The following MTERF4 variants were observed in gnomAD, a reference collection of about 807,000 sequenced individuals.
The protein encoded by MTERF4 is mitochondrial transcription termination factor 4.
In MTERF4, 17 loss-of-function variants were observed where a neutral mutation model predicts 22.5. That is an observed-to-expected ratio of 0.75 (90% confidence interval 0.52 to 1.13). The LOEUF is 1.13. Ranked by LOEUF, MTERF4 falls within the 50% of genes most tolerant of loss-of-function variation. The pLI, the probability that MTERF4 is intolerant of heterozygous loss-of-function variation, is 0.00. For synonymous variants in MTERF4, 165 were observed against 175.3 expected (o/e 0.94, Z 0.47); for missense variants, 420 against 466.8 (o/e 0.90, Z 0.92).
At chr2:241,042,704 AAT>A in the MTERF4 span, among the ~76,000 whole-genome samples, 2 of 152,236 alleles carry the variant, frequency 1.3e-5, no homozygotes, top group African/African-American at 2.4e-5. Flanking sequence ...AGAAATGAAA[AAT>A]ATATCTGAGT....
chr2:241,056,580 A>ATTTTTTTTTTTTTTTT, the MTERF4 span, among the ~76,000 whole-genome samples: 10 of 111,222 alleles, frequency 9.0e-5, no homozygotes, highest in South Asian at 3.1e-4. Flanking sequence ...AATAAGTGAA[A>ATTTTTTTTTTTTTTTT]TTTTTTTTTT....
chr2:241,049,777 G>C, the MTERF4 span: 1 of 1,509,840 alleles, frequency 6.6e-7, no homozygotes, highest in South Asian at 1.1e-5. Flanking sequence ...GCACAGATGC[G>C]GCGTAAGCTC....
Position 241,073,495 on chromosome 2 carries a change from G to A in MTERF4, n.2667C>T. 1.3e-6 allele frequency: 1 copy of A among 743,584 alleles called. No individual in the cohort carries two copies. The allele number at this position is 743,584 out of a possible 1,614,324, so 46.1% of individuals were successfully genotyped here. A position where few individuals can be genotyped will look rare whatever the true frequency, so the allele number is the denominator to read the frequency against. On this transcript the variant is annotated non_coding_transcript_exon_variant, in exon 5 of 5. Coordinates refer to the MTERF4 transcript ENST00000464344. The surrounding 1 kb of genome is among the most constrained non-coding windows in gnomAD (Gnocchi z 6.6). ...CAGAGCCTACCTGAGGGGAGGCTGA[G>A]CACCAGGCACCCCGGTGTGGGAAGA...
At chr2:241,098,164 T>C (rs1487993785) in intron 2 of MTERF4, among the ~76,000 whole-genome samples, 1 of 152,352 alleles carries the variant, frequency 6.6e-6, no homozygotes, top group East Asian at 1.9e-4. Flanking sequence ...TTTGAGTTAG[T>C]GATTATCTTA....
chr2:241,084,019 C>G (rs556237925), downstream of MTERF4, among the ~76,000 whole-genome samples: 1 of 151,686 alleles, frequency 6.6e-6, no homozygotes, highest in Non-Finnish European at 1.5e-5. Flanking sequence ...ACTGGTTATA[C>G]TTCTTAGGTT....
At chr2:241,076,040 C>T (rs2063005066) in intron 4 of MTERF4, among the ~76,000 whole-genome samples, 1 of 152,200 alleles carries the variant, frequency 6.6e-6, no homozygotes, top group Non-Finnish European at 1.5e-5. Flanking sequence ...CCTGTGTTCA[C>T]TCTAACTTTG....
downstream of MTERF4, chr2:241,071,479 C>T (rs1461523467): frequency 1.4e-6 from 2 of 1,409,774 alleles, no homozygotes; most frequent in Non-Finnish European, 1.9e-6. Flanking sequence ...CTTCTCCAAG[C>T]ACGGCTGAGT....
At chr2:241,090,103 T>C, downstream of MTERF4, 1 of 1,498,606 alleles carries the variant, frequency 6.7e-7, no homozygotes, top group Non-Finnish European at 8.9e-7. Flanking sequence ...CATTTTTAAT[T>C]TTTACTTTTT....
At chr2:241,053,618 G>C in the MTERF4 span, among the ~76,000 whole-genome samples, 1 of 152,244 alleles carries the variant, frequency 6.6e-6, no homozygotes, top group African/African-American at 2.4e-5. Context: ...AGCAGCTGAG[G>C]CCAAGAGGTA....
chr2:241,082,595 C>T (rs879298591), downstream of MTERF4, among the ~76,000 whole-genome samples: 1 of 152,204 alleles, frequency 6.6e-6, no homozygotes, highest in Non-Finnish European at 1.5e-5. Flanking sequence ...CTGAGAAGAA[C>T]GCAGGCTCCT....
chr2:241,057,431 C>G, the MTERF4 span, among the ~76,000 whole-genome samples: 1 of 141,440 alleles, frequency 7.1e-6, no homozygotes, highest in Non-Finnish European at 1.5e-5. Context: ...CAGTGGCTCA[C>G]ACATATAATG....
At chr2:241,049,068 G>A in the MTERF4 span, 4 of 1,613,554 alleles carry the variant, frequency 2.5e-6, no homozygotes, top group Non-Finnish European at 3.4e-6. Context: ...GCCCAGATGG[G>A]GGCTACTGCA....
the MTERF4 span, among the ~76,000 whole-genome samples, chr2:241,044,076 A>C: frequency 6.6e-6 from 1 of 152,240 alleles, no homozygotes; most frequent in Non-Finnish European, 1.5e-5. Context: ...TACAGCTAAT[A>C]AACCAATTGT....
chr2:241,073,780 C>A lies in MTERF4; in HGVS notation n.2382G>T, dbSNP rs561377221. ...CAGAGGGAGCAGCCACTGGGCGAGC[C>A]CCAGCTTGAGGACTAGCTGGGCCCT... On this transcript the variant is annotated non_coding_transcript_exon_variant, in exon 5 of 5. Coordinates refer to the MTERF4 transcript ENST00000464344. The surrounding 1 kb of genome is among the most constrained non-coding windows in gnomAD (Gnocchi z 6.6). 6.1e-6 allele frequency: 2 copies of A among 326,758 alleles called. No homozygotes were observed. The highest frequency in any genetic ancestry group is 4.2e-5 in the African/African-American group (2 of 47,918). The allele number at this position is 326,758 out of a possible 1,614,324, so 20.2% of individuals were successfully genotyped here.
At chr2:241,058,699 G>A in the MTERF4 span, among the ~76,000 whole-genome samples, 3 of 152,058 alleles carry the variant, frequency 2.0e-5, no homozygotes, top group Non-Finnish European at 4.4e-5. Context: ...GCCTGTAATC[G>A]CAGCACTTTA....
chr2:241,101,292 T>C, intron 1 of MTERF4: 1 of 403,776 alleles, frequency 2.5e-6, no homozygotes, highest in East Asian at 7.7e-5. Context: ...CCTGGACCCC[T>C]CAAAGGCGCA....
downstream of MTERF4, among the ~76,000 whole-genome samples, chr2:241,085,051 C>T (rs1161716134): frequency 6.6e-6 from 1 of 151,982 alleles, no homozygotes; most frequent in Non-Finnish European, 1.5e-5. Flanking sequence ...TATGTTTTCC[C>T]TTTATGACTG....
At chr2:241,068,913 C>A, downstream of MTERF4, 1 of 1,548,632 alleles carries the variant, frequency 6.5e-7, no homozygotes, top group South Asian at 1.2e-5. The surrounding 1 kb of genome is among the most constrained non-coding windows in gnomAD (Gnocchi z 5.3). Context: ...GCCCACAGGG[C>A]CCTGCTGCCT....
the MTERF4 span, among the ~76,000 whole-genome samples, chr2:241,044,148 A>G: frequency 6.6e-6 from 1 of 152,224 alleles, no homozygotes; most frequent in Non-Finnish European, 1.5e-5. Context: ...GGAAAAAAAG[A>G]AAGAAGTGGG....
Sources: allele counts gnomAD v4.1 joint callset (sites outside exome capture counted in the v4.1 genomes callset), GRCh38; gene constraint gnomAD v4.1.1; non-coding constraint Gnocchi (gnomAD v3.1); transcripts MANE v1.5; gene names NCBI Gene and HGNC (gene_info 2026-07-23, HGNC 2026-07-21).